The following ACSBG1 variants were observed in gnomAD, a reference collection of about 807,000 sequenced individuals.
ACSBG1 encodes the protein long-chain-fatty-acid--CoA ligase ACSBG1.
A neutral mutation model predicts 80.2 loss-of-function variants in ACSBG1; 39 were observed. That is an observed-to-expected ratio of 0.49 (90% CI 0.38 to 0.64). The LOEUF is 0.64. Among genes scored for constraint, ACSBG1 ranks in the 30% least tolerant of loss-of-function variants. ACSBG1 has a pLI of 0.00. For missense variants in ACSBG1, 828 were observed against 966.4 expected (o/e 0.86, Z 1.90); for synonymous variants, 392 against 379.5 (o/e 1.03, Z -0.38).
chr15:78,182,695 C>T lies in ACSBG1; in HGVS notation c.744+10G>A. On this transcript the variant is annotated intron_variant, in intron 6 of 13. Coordinates refer to ENST00000258873, the MANE Select transcript of ACSBG1 (RefSeq NM_015162.5). ...GCCCCACCTGGCGCCCAGGGCCCCA[C>T]TGCCCATACCGTGTACACATTGGCC... The T allele has an allele frequency of 1.9e-6, 3 of 1,614,232 alleles. No individual in the cohort carries two copies. The highest frequency in any genetic ancestry group is 1.1e-5 in the South Asian group (1 of 91,090).
intron 1 of ACSBG1, among the ~76,000 whole-genome samples, chr15:78,214,588 C>T (rs897104862): frequency 3.9e-5 from 6 of 152,128 alleles, no homozygotes; most frequent in Non-Finnish European, 5.9e-5. Flanking sequence ...TATAGGTGTG[C>T]ACCACCGTAC....
chr15:78,224,833 G>A (rs1411678197), intron 1 of ACSBG1, among the ~76,000 whole-genome samples: 2 of 152,098 alleles, frequency 1.3e-5, no homozygotes, highest in Admixed American at 6.5e-5. Flanking sequence ...AATAAAATAA[G>A]GATTTCCACT....
chr15:78,231,474 C>T (rs12591998), intron 1 of ACSBG1, among the ~76,000 whole-genome samples: 55,412 of 151,770 alleles, frequency 0.37, 11,201 homozygotes, highest in East Asian at 0.51. Context: ...TTTGTACAGA[C>T]AGGGTTTCAA....
intron 7 of ACSBG1, 131 bp from the exon 8 acceptor site, chr15:78,182,276 C>G: frequency 7.4e-7 from 1 of 1,344,288 alleles, no homozygotes; most frequent in South Asian, 1.4e-5. Context: ...CTGAAAACCC[C>G]AGGACAGGCC....
At chr15:78,189,043 C>T (rs368990794) in intron 5 of ACSBG1, among the ~76,000 whole-genome samples, 5 of 151,234 alleles carry the variant, frequency 3.3e-5, no homozygotes, top group Non-Finnish European at 7.4e-5. Context: ...AAGAAGACAT[C>T]TATGCAGCCA....
chr15:78,187,280 T>A (rs1016434842), intron 5 of ACSBG1, among the ~76,000 whole-genome samples: 3 of 152,218 alleles, frequency 2.0e-5, no homozygotes, highest in Admixed American at 6.5e-5. Flanking sequence ...TCTGAAACTA[T>A]TCCAATCAAC....
At chr15:78,221,069 C>A (rs2075356216) in intron 1 of ACSBG1, among the ~76,000 whole-genome samples, 1 of 152,220 alleles carries the variant, frequency 6.6e-6, no homozygotes, top group African/African-American at 2.4e-5. Flanking sequence ...GGCCCTGCCC[C>A]TCCACACCTC....
At chr15:78,179,862 G>A in intron 9 of ACSBG1, 82 bp from the exon 10 acceptor site, 1 of 1,147,448 alleles carries the variant, frequency 8.7e-7, no homozygotes, top group Admixed American at 2.1e-5. Context: ...TTAAAAGGGT[G>A]GTATGGTGGT....
chr15:78,181,405 G>C (rs2074941795), intron 8 of ACSBG1, among the ~76,000 whole-genome samples: 1 of 151,162 alleles, frequency 6.6e-6, no homozygotes, highest in South Asian at 2.1e-4. Flanking sequence ...GCCTTCTGGT[G>C]ATACTCTGAG....
chr15:78,222,671 A>G (rs1426190076), intron 1 of ACSBG1, among the ~76,000 whole-genome samples: 1 of 152,210 alleles, frequency 6.6e-6, no homozygotes, highest in Admixed American at 6.5e-5. Context: ...CTAGAAAAAG[A>G]TAATATTTTA....
chr15:78,186,644 T>C (rs1309755752), intron 5 of ACSBG1, among the ~76,000 whole-genome samples: 3 of 151,850 alleles, frequency 2.0e-5, no homozygotes, highest in Non-Finnish European at 4.4e-5. Flanking sequence ...AGACACAACA[T>C]ACCAGAATCT....
At chr15:78,231,562 AG>A (rs1284662396) in intron 1 of ACSBG1, among the ~76,000 whole-genome samples, 3 of 152,158 alleles carry the variant, frequency 2.0e-5, no homozygotes, top group Non-Finnish European at 2.9e-5. Context: ...CCAGGATTAC[AG>A]GTGTGAGCCA....
rs372012719 is a variant in ACSBG1 at position 78,179,710 on chromosome 15, A to G, written c.1324T>C (p.Phe442Leu). Residue 442 changes from phenylalanine (F) to leucine (L), a missense_variant, in exon 10 of 14, where the codon TTT (phenylalanine) becomes CTT (leucine). Coordinates refer to ENST00000258873, the MANE Select transcript of ACSBG1 (RefSeq NM_015162.5). ...VLAKVRQALG[F>L]AKCQKNFYGA... ...TAGAAGTTCTTTTGACACTTGGCAA[A>G]TCCCAGTGCCTGGCGAACCTTGGCT... is the stretch of plus-strand genomic sequence containing the variant. 1.1e-4 allele frequency: 170 copies of G among 1,613,960 alleles called. No individual in the cohort carries two copies. Among genetic ancestry groups the G allele is most frequent in the Non-Finnish European group, 1.4e-4 (166 of 1,180,040 alleles).
Position 78,182,738 on chromosome 15 carries a change from T to TTC in ACSBG1, c.709_710dup (p.Pro238AsnfsTer43). The TTC allele has an allele frequency of 6.2e-7, 1 of 1,614,184 alleles. No homozygotes were observed. The highest frequency in any genetic ancestry group is 1.3e-5 in the African/African-American group (1 of 75,038). ...CATTGGCCATCTTGTTTGGAGGAGG[T>TTC]TCTTTATATATCACGACTGCCTTTA... is the stretch of plus-strand genomic sequence containing the variant. On this transcript the variant is annotated frameshift_variant, in exon 6 of 14. Coordinates refer to ENST00000258873, the MANE Select transcript of ACSBG1 (RefSeq NM_015162.5). LOFTEE classifies it high-confidence loss of function.
chr15:78,180,652 C>T (rs2074932547), intron 9 of ACSBG1, 103 bp downstream of exon 9: 3 of 1,460,936 alleles, frequency 2.1e-6, no homozygotes, highest in Non-Finnish European at 2.8e-6. Context: ...GCTGCCCGGC[C>T]ACTGGAACCG....
At chr15:78,184,688 T>A (rs899915646) in intron 5 of ACSBG1, among the ~76,000 whole-genome samples, 9 of 152,206 alleles carry the variant, frequency 5.9e-5, no homozygotes. Flanking sequence ...GATTTTTTGC[T>A]AAAATATATA....
At chr15:78,226,186 GAC>G (rs903031749) in intron 1 of ACSBG1, among the ~76,000 whole-genome samples, 1 of 152,012 alleles carries the variant, frequency 6.6e-6, no homozygotes, top group Non-Finnish European at 1.5e-5. Context: ...AATTGTTATT[GAC>G]TACAGGGTTA....
In ACSBG1 at chr15:78,194,624, G is replaced by A. The variant is rs545005485; in HGVS notation, c.335C>T (p.Ala112Val). The change falls in exon 3 of 14, where the codon GCC (alanine) becomes GTC (valine). Residue 112 changes from alanine to valine, a missense_variant. Transcript: ENST00000258873. ...GATGAGGTCCCCATACTTATCCAGG[G>A]CCTCGTAGAACATCCGATGCACAGT... Reference protein sequence around the residue: ...PYTVHRMFYEALDKYGDLIAL... With the variant: ...PYTVHRMFYEVLDKYGDLIAL... The A allele has an allele frequency of 1.2e-6, 2 of 1,614,278 alleles. No individual in the cohort carries two copies. The highest frequency in any genetic ancestry group is 2.2e-5 in the East Asian group (1 of 44,884).
chr15:78,231,230 C>T (rs2075444536), intron 1 of ACSBG1, among the ~76,000 whole-genome samples: 1 of 152,178 alleles, frequency 6.6e-6, no homozygotes, highest in Admixed American at 6.5e-5. Context: ...AAGCAGTTCT[C>T]CTGCCTCAGC....
Sources: gnomAD v4.1 joint callset for allele counts (sites outside exome capture counted in the v4.1 genomes callset) on GRCh38, gnomAD v4.1.1 for gene constraint, MANE v1.5 for transcripts, NCBI Gene and HGNC (gene_info 2026-07-23, HGNC 2026-07-21) for gene names.